SF3B3: variants seen among roughly 807,000 people sequenced by gnomAD.
SF3B3 encodes SAP 130.
A neutral mutation model predicts 139.2 loss-of-function variants in SF3B3; 33 were observed. The observed-to-expected ratio is 0.24, with a 90% CI of 0.18 to 0.32. The LOEUF is 0.32. Ranked by LOEUF, SF3B3 falls within the 10% of genes least tolerant of loss-of-function variation. The pLI is 1.00. For synonymous variants in SF3B3, 596 were observed against 563.6 expected, an observed-to-expected ratio of 1.06 and a Z score of -0.81; for missense variants, 818 against 1,509.4, an observed-to-expected ratio of 0.54 and a Z score of 7.59.
At chr16:70,526,984 G>C in intron 2 of SF3B3, 1 of 552,016 alleles carries the variant, frequency 1.8e-6, no homozygotes, top group Non-Finnish European at 3.2e-6. Context: ...GCCAAGTCGT[G>C]TGCCTATTGC....
At chr16:70,568,135 T>C in intron 21 of SF3B3, 148 bp from the exon 22 acceptor site, 1 of 667,740 alleles carries the variant, frequency 1.5e-6, no homozygotes, top group Non-Finnish European at 2.7e-6. Context: ...TTGGCTCTTT[T>C]TTCCCACCTA....
rs1249169574 is a variant in SF3B3 at position 70,577,001 on chromosome 16, C to T, written c.*5188C>T. On this transcript the variant is annotated 3_prime_UTR_variant, in exon 26 of 26. Transcript: ENST00000302516. Reference sequence around the variant, plus strand: ...AAAATTAGCCAGGCATGGTGGTGCACACTTGTAGTCCCAGTAATTAGGGGG... The same window carrying T: ...AAAATTAGCCAGGCATGGTGGTGCATACTTGTAGTCCCAGTAATTAGGGGG... 6.6e-6 allele frequency: 1 copy of T among 152,196 alleles called. No individual in the cohort carries two copies. Among genetic ancestry groups the T allele is most frequent in the East Asian group, 1.9e-4 (1 of 5,194 alleles). The allele number at this position is 152,196 out of a possible 1,614,324, so 9.4% of individuals were successfully genotyped here.
intron 22 of SF3B3, 72 bp downstream of exon 22, chr16:70,568,567 C>A: frequency 1.7e-6 from 2 of 1,206,770 alleles, no homozygotes; most frequent in South Asian, 1.3e-5. Context: ...TGGGTAAAGC[C>A]AAGGAGGAAT....
chr16:70,534,651 CTTTAT>C (rs2050149721), intron 5 of SF3B3, among the ~76,000 whole-genome samples: 2 of 152,160 alleles, frequency 1.3e-5, no homozygotes, highest in South Asian at 4.1e-4. Flanking sequence ...CATGCTGTTA[CTTTAT>C]TTTATTTTTA....
At chr16:70,528,677 G>T (rs1253421238) in intron 2 of SF3B3, among the ~76,000 whole-genome samples, 196 bp from the exon 3 acceptor site, 1 of 151,970 alleles carries the variant, frequency 6.6e-6, no homozygotes, top group Non-Finnish European at 1.5e-5. Flanking sequence ...GAGTGCAGTG[G>T]CACAGTCTTG....
Position 70,576,949 on chromosome 16 carries a change from A to T in SF3B3, c.*5136A>T, listed in dbSNP as rs2050586534. The T allele has an allele frequency of 6.6e-6, 1 of 152,210 alleles. No homozygotes were observed. The highest frequency in any genetic ancestry group is 2.4e-5 in the African/African-American group (1 of 41,392). 9.4% of individuals were successfully genotyped at this position (152,210 alleles called of 1,614,324 possible). ...GTTTGAGACCAGCCTGGGCAACATG[A>T]CAAAACCCCATCTCTCCAAAAATAC... On this transcript the variant is annotated 3_prime_UTR_variant, in exon 26 of 26. Transcript: ENST00000302516.
At chr16:70,565,010 AG>A (rs1378057314) in intron 18 of SF3B3, 54 bp from the exon 19 acceptor site, 2 of 1,557,994 alleles carry the variant, frequency 1.3e-6, no homozygotes, top group African/African-American at 2.7e-5. Context: ...TCCTCTTCTC[AG>A]CCAGCCCCTA....
At position 70,564,052 on chromosome 16, in the gene SF3B3, T is replaced by C. The variant is rs1450456181; in HGVS notation, c.2463+2T>C. 1 of 1,613,500 alleles carries C rather than the reference T, an allele frequency of 6.2e-7. No individual in the cohort carries two copies. Among genetic ancestry groups the C allele is most frequent in the Non-Finnish European group, 8.5e-7 (1 of 1,179,784 alleles). ...CAGAGAAAGCAGCAGATGGCAGAGG[T>C]AATGAGACTAACGTTCAGGGGTTCT... On this transcript the variant is annotated splice_donor_variant, in intron 18 of 25. Coordinates refer to ENST00000302516, the MANE Select transcript of SF3B3 (RefSeq NM_012426.5). LOFTEE classifies it high-confidence loss of function.
chr16:70,556,659 C>G (rs1382979817), intron 14 of SF3B3: 12 of 610,420 alleles, frequency 2.0e-5, no homozygotes, highest in Non-Finnish European at 2.8e-5. Context: ...TGCTTAATTA[C>G]CTTTGCCATT....
At chr16:70,536,220 T>A (rs2050164729) in intron 6 of SF3B3, among the ~76,000 whole-genome samples, 1 of 151,818 alleles carries the variant, frequency 6.6e-6, no homozygotes, top group East Asian at 1.9e-4. Flanking sequence ...CATGCTGGAG[T>A]GCAGTGTTGT....
chr16:70,527,727 G>A (rs774196099), intron 2 of SF3B3, among the ~76,000 whole-genome samples: 47 of 151,976 alleles, frequency 3.1e-4, no homozygotes, highest in Non-Finnish European at 5.7e-4. Context: ...TTGAAAGCAC[G>A]TTTTTGTTTT....
chr16:70,571,964 TCTC>T lies in SF3B3; in HGVS notation c.*154_*156del, dbSNP rs1171640101. On this transcript the variant is annotated 3_prime_UTR_variant, in exon 26 of 26. Transcript: ENST00000302516. The stretch of plus-strand genomic sequence containing the variant: ...TCAACAGCTCTTTCCCCTCAGCTCT[TCTC>T]CTGGAATGACTGGCTTCCCCTCAAA... 7.6e-6 allele frequency: 7 copies of T among 924,470 alleles called. No individual in the cohort carries two copies. Among genetic ancestry groups the T allele is most frequent in the East Asian group, 5.2e-5 (2 of 38,768 alleles). The allele number at this position is 924,470 out of a possible 1,614,324, so 57.3% of individuals were successfully genotyped here.
intron 11 of SF3B3, 191 bp downstream of exon 11, chr16:70,548,633 G>A: frequency 1.8e-6 from 1 of 560,624 alleles, no homozygotes; most frequent in South Asian, 2.3e-5. Context: ...TTTTGTGCAG[G>A]TGGGAAAGGG....
At chr16:70,549,623 T>A (rs1158431128) in intron 11 of SF3B3, among the ~76,000 whole-genome samples, 1 of 152,204 alleles carries the variant, frequency 6.6e-6, no homozygotes, top group African/African-American at 2.4e-5. Context: ...AAATAAACTT[T>A]TTATTTTAAA....
At chr16:70,526,160 A>C (rs2050061666) in intron 1 of SF3B3, among the ~76,000 whole-genome samples, 1 of 151,908 alleles carries the variant, frequency 6.6e-6, no homozygotes. Flanking sequence ...TATGTATGTT[A>C]ATTCTATACT....
intron 11 of SF3B3, 44 bp downstream of exon 11, chr16:70,548,486 C>T (rs1420242359): frequency 6.5e-7 from 1 of 1,529,966 alleles, no homozygotes; most frequent in East Asian, 2.2e-5. Context: ...ATCTAGGTGC[C>T]ATTGACATAG....
chr16:70,563,798 G>A lies in SF3B3; in HGVS notation c.2289-78G>A, dbSNP rs543293873. 1.6e-5 allele frequency: 22 copies of A among 1,392,036 alleles called. No individual in the cohort carries two copies. In the East Asian group the frequency reaches 4.4e-4, roughly 28 times the overall value. The allele number at this position is 1,392,036 out of a possible 1,614,324, so 86.2% of individuals were successfully genotyped here. A position where few individuals can be genotyped will look rare whatever the true frequency, so the allele number is the denominator to read the frequency against. ...AGCTCCAGGGATTGACGTGTTTGCT[G>A]ACTGCTCAAAGTCTATTTCAACACC... On this transcript the variant is annotated intron_variant, in intron 17 of 25. Transcript: ENST00000302516.
At chr16:70,547,466 G>C (rs1326132888) in intron 10 of SF3B3, among the ~76,000 whole-genome samples, 1 of 152,150 alleles carries the variant, frequency 6.6e-6, no homozygotes, top group Non-Finnish European at 1.5e-5. Flanking sequence ...ATTTGGCTTA[G>C]ATGTTTTGTT....
intron 1 of SF3B3, among the ~76,000 whole-genome samples, chr16:70,525,372 C>T (rs1414201540): frequency 6.6e-6 from 1 of 152,158 alleles, no homozygotes; most frequent in African/African-American, 2.4e-5. Flanking sequence ...CTCCGAAATG[C>T]ACCTTCCTCC....
Sources: allele counts gnomAD v4.1 joint callset (sites outside exome capture counted in the v4.1 genomes callset), GRCh38; gene constraint gnomAD v4.1.1; transcripts MANE v1.5; gene names NCBI Gene and HGNC (gene_info 2026-07-23, HGNC 2026-07-21).